TMEM184B: variants seen among roughly 807,000 people sequenced by gnomAD.
TMEM184B encodes the protein transmembrane protein 184B, also known as putative MAPK-activating protein FM08.
TMEM184B carries 17 observed loss-of-function variants against 41.8 expected under a neutral mutation model. The ratio of observed to expected loss-of-function variants is 0.41; its 90% confidence interval spans 0.28 to 0.61. The LOEUF (loss-of-function observed/expected upper bound fraction) is 0.61, where lower values mean the gene tolerates loss of function less well. Ranked by LOEUF, TMEM184B falls within the 20% of genes least tolerant of loss-of-function variation. The pLI is 0.34. For missense variants in TMEM184B, 393 were observed against 557.8 expected, an observed-to-expected ratio of 0.70 and a Z score of 2.98; for synonymous variants, 240 against 229.5, an observed-to-expected ratio of 1.05 and a Z score of -0.41.
intron 3 of TMEM184B, among the ~76,000 whole-genome samples, chr22:38,237,927 G>C (rs868023835): frequency 2.0e-5 from 3 of 151,400 alleles, no homozygotes; most frequent in Non-Finnish European, 4.4e-5. Context: ...TCAGCCTCCC[G>C]AGTGGCTGGA....
intron 1 of TMEM184B, among the ~76,000 whole-genome samples, chr22:38,254,253 C>T (rs2092234191): frequency 6.7e-6 from 1 of 149,256 alleles, no homozygotes; most frequent in Non-Finnish European, 1.5e-5. Flanking sequence ...CAAACAATCC[C>T]ACTTGAAAAT....
Position 38,260,636 on chromosome 22 carries a change from C to A in TMEM184B, c.-59+12248G>T, listed in dbSNP as rs373767464. On this transcript the variant is annotated intron_variant, in intron 1 of 8. Coordinates refer to ENST00000361906, the MANE Select transcript of TMEM184B (RefSeq NM_012264.5). Reference sequence around the variant, plus strand: ...CCTCATCTATAAAATGGGGAAGCAGCCATACCTGCCTCTGAGAGAGAGGGA... The same window carrying A: ...CCTCATCTATAAAATGGGGAAGCAGACATACCTGCCTCTGAGAGAGAGGGA... Among the ~76,000 whole-genome samples, 12 of 152,190 alleles carry A rather than the reference C, an allele frequency of 7.9e-5. No homozygotes were observed. The East Asian group carries it at 1.2e-3, about 15-fold the overall frequency.
chr22:38,261,775 T>C (rs903511635), intron 1 of TMEM184B, among the ~76,000 whole-genome samples: 5 of 152,164 alleles, frequency 3.3e-5, no homozygotes, highest in African/African-American at 2.4e-5. Context: ...ACCCCAACAA[T>C]GCTACCACCC....
chr22:38,237,394 C>T (rs1299464268), intron 3 of TMEM184B, among the ~76,000 whole-genome samples: 4 of 152,242 alleles, frequency 2.6e-5, no homozygotes, highest in African/African-American at 4.8e-5. Flanking sequence ...CGCTGTGTGC[C>T]TACTGTGTGC....
chr22:38,219,892 G>A lies in TMEM184B; in HGVS notation c.*1577C>T. ...GAGAGCTGGCCTCTGGCACCCACAT[G>A]CAGGCCTCTGCCACGAGGAAAGGAA... On this transcript the variant is annotated 3_prime_UTR_variant, in exon 9 of 9. Coordinates refer to ENST00000361906, the MANE Select transcript of TMEM184B (RefSeq NM_012264.5). 1 of 985,252 alleles carries A rather than the reference G, an allele frequency of 1.0e-6. No individual in the cohort carries two copies. Among genetic ancestry groups the A allele is most frequent in the Non-Finnish European group, 1.2e-6 (1 of 829,884 alleles). The allele number at this position is 985,252 out of a possible 1,614,324, so 61.0% of individuals were successfully genotyped here. A position where few individuals can be genotyped will look rare whatever the true frequency, so the allele number is the denominator to read the frequency against.
chr22:38,253,501 G>A (rs1020132210), intron 1 of TMEM184B, among the ~76,000 whole-genome samples: 16 of 151,988 alleles, frequency 1.1e-4, no homozygotes, highest in African/African-American at 3.9e-4. Flanking sequence ...AACCTGGGAG[G>A]TGGTGGTTGC....
At position 38,220,923 on chromosome 22, in the gene TMEM184B, C is replaced by CTGGGTCCGGAG; in HGVS notation, c.*545_*546insCTCCGGACCCA. 1 of 987,612 alleles carries CTGGGTCCGGAG rather than the reference C, an allele frequency of 1.0e-6. No individual in the cohort carries two copies. Among genetic ancestry groups the CTGGGTCCGGAG allele is most frequent in the Non-Finnish European group, 1.2e-6 (1 of 831,216 alleles). The allele number at this position is 987,612 out of a possible 1,614,324, so 61.2% of individuals were successfully genotyped here. ...GATCCTTGCAGCATGCCACAGAGGCCTGGGTCAGGAGGGGAGGACCACAGA... is the reference window on the plus strand; with the variant it reads ...GATCCTTGCAGCATGCCACAGAGGCCTGGGTCCGGAGTGGGTCAGGAGGGGAGGACCACAGA... On this transcript the variant is annotated 3_prime_UTR_variant, in exon 9 of 9. Coordinates refer to ENST00000361906, the MANE Select transcript of TMEM184B (RefSeq NM_012264.5).
rs980567622 is a variant in TMEM184B at position 38,272,547 on chromosome 22, C to T, written c.-59+337G>A. ...ACCCACCCGGGAGCACACAATCCCT[C>T]TTGCAAAGCGCCTTGGTCCATCCGC... On this transcript the variant is annotated intron_variant, in intron 1 of 8. Coordinates refer to ENST00000361906, the MANE Select transcript of TMEM184B (RefSeq NM_012264.5). 4 of 985,704 alleles carry T rather than the reference C, an allele frequency of 4.1e-6. No homozygotes were observed. The African/African-American group carries it at 7.0e-5, about 17-fold the overall frequency. The allele number at this position is 985,704 out of a possible 1,614,324, so 61.1% of individuals were successfully genotyped here. A position where few individuals can be genotyped will look rare whatever the true frequency, so the allele number is the denominator to read the frequency against.
intron 1 of TMEM184B, among the ~76,000 whole-genome samples, chr22:38,259,896 C>G (rs2092344428): frequency 6.6e-6 from 1 of 150,926 alleles, no homozygotes. Context: ...CCACCTCAGC[C>G]TCCAGAGTAG....
chr22:38,222,647 G>A, intron 8 of TMEM184B: 1 of 985,544 alleles, frequency 1.0e-6, no homozygotes, highest in South Asian at 4.7e-5. Flanking sequence ...CCTACCGTAA[G>A]GGCCGTATGT....
intron 3 of TMEM184B, among the ~76,000 whole-genome samples, chr22:38,240,915 TACA>T (rs1342044162): frequency 2.0e-5 from 3 of 152,062 alleles, no homozygotes; most frequent in East Asian, 1.9e-4. Flanking sequence ...ACCAATCAAA[TACA>T]ACAATATACT....
In TMEM184B at chr22:38,225,026, T is replaced by G; in HGVS notation, c.788-47A>C. On this transcript the variant is annotated intron_variant, in intron 7 of 8. Coordinates refer to ENST00000361906, the MANE Select transcript of TMEM184B (RefSeq NM_012264.5). The surrounding 1 kb of genome is among the most constrained non-coding windows in gnomAD (Gnocchi z 4.4). ...TCTGGACCCAGAATGATTCCTTTCC[T>G]GCTCCCCCTTCTTCCACAATGCCCC... 1 of 1,488,360 alleles carries G rather than the reference T, an allele frequency of 6.7e-7. No homozygotes were observed. The highest frequency in any genetic ancestry group is 1.3e-5 in the South Asian group (1 of 76,342). 92.2% of individuals were successfully genotyped at this position (1,488,360 alleles called of 1,614,324 possible).
chr22:38,259,290 G>T (rs1451052852), intron 1 of TMEM184B, among the ~76,000 whole-genome samples: 1 of 152,182 alleles, frequency 6.6e-6, no homozygotes, highest in Admixed American at 6.6e-5. Flanking sequence ...TGTGTGGTAG[G>T]CTGAAGAATA....
At chr22:38,268,288 C>T (rs1275062314) in intron 1 of TMEM184B, among the ~76,000 whole-genome samples, 1 of 149,894 alleles carries the variant, frequency 6.7e-6, no homozygotes, top group African/African-American at 2.5e-5. Context: ...GGCTGAGGCA[C>T]GAGAATCACC....
chr22:38,247,638 A>G, intron 2 of TMEM184B, 132 bp downstream of exon 2: 1 of 1,173,738 alleles, frequency 8.5e-7, no homozygotes, highest in Non-Finnish European at 1.2e-6. Flanking sequence ...ACTTCTATCG[A>G]GGGAAGCCTC....
chr22:38,272,731 C>T, intron 1 of TMEM184B, 153 bp downstream of exon 1: 1 of 985,362 alleles, frequency 1.0e-6, no homozygotes, highest in Non-Finnish European at 1.2e-6. Flanking sequence ...CCTCCGCGGC[C>T]GCACCGGCCT....
At chr22:38,244,954 G>A (rs1004738959) in intron 3 of TMEM184B, among the ~76,000 whole-genome samples, 2 of 152,358 alleles carry the variant, frequency 1.3e-5, no homozygotes, top group Admixed American at 1.3e-4. Context: ...CAGGGCAGCA[G>A]GGGTGAGGCT....
chr22:38,222,535 T>G (rs1602355216), intron 8 of TMEM184B: 4 of 948,786 alleles, frequency 4.2e-6, no homozygotes, highest in Non-Finnish European at 5.0e-6. Context: ...GGGGTGCCGG[T>G]GGGGAGGAGA....
Position 38,220,878 on chromosome 22 carries a change from G to C in TMEM184B, c.*591C>G. On this transcript the variant is annotated 3_prime_UTR_variant, in exon 9 of 9. Transcript: ENST00000361906. ...AATGCCCTTCCTGGGTGGGGCCTGT[G>C]ACTCCTGGTGTCTGGCTCTGATCCT... 1 of 986,130 alleles carries C rather than the reference G, an allele frequency of 1.0e-6. No homozygotes were observed. Among genetic ancestry groups the C allele is most frequent in the Non-Finnish European group, 1.2e-6 (1 of 830,118 alleles). The allele number at this position is 986,130 out of a possible 1,614,324, so 61.1% of individuals were successfully genotyped here.
Sources: gnomAD v4.1 joint callset for allele counts (sites outside exome capture counted in the v4.1 genomes callset) on GRCh38, gnomAD v4.1.1 for gene constraint, Gnocchi (gnomAD v3.1) non-coding constraint, MANE v1.5 for transcripts, NCBI Gene and HGNC (gene_info 2026-07-23, HGNC 2026-07-21) for gene names.